The following PDE1A variants were observed in gnomAD, a reference collection of about 807,000 sequenced individuals.
PDE1A encodes the protein dual specificity calcium/calmodulin-dependent 3',5'-cyclic nucleotide phosphodiesterase 1A.
A neutral mutation model predicts 61.7 loss-of-function variants in PDE1A; 35 were observed. The ratio of observed to expected loss-of-function variants is 0.57; its 90% CI spans 0.43 to 0.75. The LOEUF is 0.75. Ranked by LOEUF, PDE1A falls within the 30% of genes least tolerant of loss-of-function variation. The probability of loss-of-function intolerance (pLI) is 0.00; values close to 1 mark genes in which losing one functional copy is unlikely to be tolerated. For synonymous variants in PDE1A, 232 were observed against 213.2 expected, an observed-to-expected ratio of 1.09 and a Z score of -0.77; for missense variants, 597 against 630.6, an observed-to-expected ratio of 0.95 and a Z score of 0.57.
the PDE1A span, among the ~76,000 whole-genome samples, chr2:182,596,380 G>A: frequency 2.0e-5 from 3 of 152,128 alleles, no homozygotes; most frequent in Non-Finnish European, 4.4e-5. Context: ...AGGCACACAT[G>A]AGACATACCT....
At chr2:182,426,802 C>T in exon 1 of PDE1A, 6 of 1,441,350 alleles carry the variant, frequency 4.2e-6, no homozygotes, top group Non-Finnish European at 5.4e-6. Context: ...GCCAGCTGAG[C>T]AGTGTGTCCA....
chr2:182,622,431 G>T, the PDE1A span, among the ~76,000 whole-genome samples: 6 of 152,182 alleles, frequency 3.9e-5, no homozygotes, highest in African/African-American at 1.4e-4. Context: ...GGAAAACTGT[G>T]CAGTGATAGT....
chr2:182,664,704 C>T, the PDE1A span, among the ~76,000 whole-genome samples: 6 of 152,102 alleles, frequency 3.9e-5, no homozygotes, highest in African/African-American at 7.2e-5. Context: ...AGGTGTCTGG[C>T]AGAAAGAAAT....
intron 11 of PDE1A, among the ~76,000 whole-genome samples, chr2:182,187,737 CTTTTTTTTT>C (rs1038970569): frequency 1.5e-5 from 1 of 66,382 alleles, no homozygotes; most frequent in African/African-American, 6.5e-5. Flanking sequence ...TTTTTTTGTT[CTTTTTTTTT>C]TTTTTTTTTT....
At chr2:182,366,776 C>A (rs988031884) in intron 1 of PDE1A, among the ~76,000 whole-genome samples, 2 of 151,972 alleles carry the variant, frequency 1.3e-5, no homozygotes, top group Non-Finnish European at 2.9e-5. Flanking sequence ...TGCTAATGTT[C>A]TTCAGTCCAT....
intron 1 of PDE1A, among the ~76,000 whole-genome samples, chr2:182,359,320 C>T (rs1699370891): frequency 6.6e-6 from 1 of 152,144 alleles, no homozygotes; most frequent in Non-Finnish European, 1.5e-5. Context: ...AAAAAGCAAA[C>T]TCAAAATGAC....
intron 1 of PDE1A, among the ~76,000 whole-genome samples, chr2:182,325,824 CAGG>C (rs1697005969): frequency 6.6e-6 from 1 of 152,236 alleles, no homozygotes; most frequent in South Asian, 2.1e-4. Context: ...GAGGCTGAAG[CAGG>C]AGAATTGCTT....
chr2:182,376,315 T>G (rs1172869141), intron 1 of PDE1A, among the ~76,000 whole-genome samples: 1 of 152,204 alleles, frequency 6.6e-6, no homozygotes, highest in Non-Finnish European at 1.5e-5. Flanking sequence ...AATGCTTTGC[T>G]GCTTAGAAAT....
At chr2:182,395,362 G>A (rs1229014070) in intron 1 of PDE1A, among the ~76,000 whole-genome samples, 1 of 152,218 alleles carries the variant, frequency 6.6e-6, no homozygotes, top group Non-Finnish European at 1.5e-5. Context: ...ATTGGATCCA[G>A]TGAGCAATAA....
chr2:182,224,055 G>GTAA lies in PDE1A; in HGVS notation c.676-94_676-92dup, dbSNP rs1172044833. 12 of 740,714 alleles carry GTAA rather than the reference G, an allele frequency of 1.6e-5. No individual in the cohort carries two copies. In the East Asian group the frequency reaches 3.2e-4, roughly 20 times the overall value. The allele number at this position is 740,714 out of a possible 1,614,324, so 45.9% of individuals were successfully genotyped here. A position where few individuals can be genotyped will look rare whatever the true frequency, so the allele number is the denominator to read the frequency against. Reference sequence around the variant, plus strand: ...AGGACTTTCAGTGCACCCTGTTTATGTAATCATATAAAATTATTTTTCATT... The same window carrying GTAA: ...AGGACTTTCAGTGCACCCTGTTTATGTAATAATCATATAAAATTATTTTTCATT... On this transcript the variant is annotated intron_variant, in intron 6 of 13. Coordinates refer to ENST00000351439, the Ensembl canonical transcript of PDE1A.
intron 1 of PDE1A, among the ~76,000 whole-genome samples, chr2:182,378,450 GA>G (rs1700544255): frequency 6.6e-6 from 1 of 152,076 alleles, no homozygotes; most frequent in Admixed American, 6.5e-5. Flanking sequence ...AAATTTTATT[GA>G]ACTAAGTACT....
At chr2:182,609,955 G>A in the PDE1A span, among the ~76,000 whole-genome samples, 2 of 152,148 alleles carry the variant, frequency 1.3e-5, no homozygotes, top group African/African-American at 4.8e-5. Flanking sequence ...GGGTCTAGTG[G>A]CACAGGCCTG....
chr2:182,276,294 C>T lies in PDE1A; in HGVS notation c.54-11880G>A, dbSNP rs548377636. ...GCTGCAGGAAGTCAGGGACCCCAAA[C>T]GGAGGAAGCAGCTGGAGCCGCGGCA... On this transcript the variant is annotated intron_variant, in intron 1 of 13. Coordinates refer to ENST00000351439, the Ensembl canonical transcript of PDE1A. Among the ~76,000 whole-genome samples the T allele has an allele frequency of 4.6e-5, 7 of 152,124 alleles. No homozygotes were observed. In the South Asian group the frequency reaches 6.2e-4, roughly 14 times the overall value.
chr2:182,627,435 T>C, the PDE1A span, among the ~76,000 whole-genome samples: 1 of 133,338 alleles, frequency 7.5e-6, no homozygotes, highest in South Asian at 2.2e-4. Flanking sequence ...TTTAAATATA[T>C]ATATATAAAA....
At chr2:182,219,046 C>T (rs1688493180) in intron 7 of PDE1A, among the ~76,000 whole-genome samples, 1 of 152,006 alleles carries the variant, frequency 6.6e-6, no homozygotes, top group South Asian at 2.1e-4. Context: ...CTTTGGGTAG[C>T]AGGTGAAGGG....
At chr2:182,369,230 C>T (rs568312686) in intron 1 of PDE1A, among the ~76,000 whole-genome samples, 2 of 152,292 alleles carry the variant, frequency 1.3e-5, no homozygotes, top group South Asian at 4.1e-4. Flanking sequence ...GCATGCCTAA[C>T]TCAGTGACTC....
chr2:182,355,500 A>G (rs993791682), intron 1 of PDE1A, among the ~76,000 whole-genome samples: 3 of 152,028 alleles, frequency 2.0e-5, no homozygotes, highest in Non-Finnish European at 4.4e-5. Flanking sequence ...ACTATGAAAC[A>G]CTCCAGATAA....
intron 2 of PDE1A, among the ~76,000 whole-genome samples, chr2:182,496,792 C>A (rs372422646): frequency 1.3e-5 from 2 of 152,244 alleles, no homozygotes; most frequent in Admixed American, 1.3e-4. Flanking sequence ...GAGGCAGTAG[C>A]TTCCTGACTG....
At chr2:182,700,811 G>T in the PDE1A span, among the ~76,000 whole-genome samples, 2 of 151,412 alleles carry the variant, frequency 1.3e-5, no homozygotes, top group African/African-American at 4.9e-5. Flanking sequence ...CAACTACTTG[G>T]GAGGCTGAGG....
Sources: gnomAD v4.1 joint callset for allele counts (sites outside exome capture counted in the v4.1 genomes callset) on GRCh38, gnomAD v4.1.1 for gene constraint, MANE v1.5 for transcripts, NCBI Gene and HGNC (gene_info 2026-07-23, HGNC 2026-07-21) for gene names.